CDKAL1: variants seen among roughly 807,000 people sequenced by gnomAD.
CDKAL1 encodes the protein threonylcarbamoyladenosine tRNA methylthiotransferase.
Under a neutral mutation model 68.2 loss-of-function variants are expected in CDKAL1, and 32 were observed. The ratio of observed to expected loss-of-function variants is 0.47; its 90% confidence interval spans 0.35 to 0.63. CDKAL1 has a LOEUF of 0.63. Among genes scored for constraint, CDKAL1 ranks in the 30% least tolerant of loss-of-function variants. The pLI is 0.00. For missense variants in CDKAL1, 606 were observed against 696.7 expected (o/e 0.87, Z 1.47); for synonymous variants, 234 against 244.3 (o/e 0.96, Z 0.39).
chr6:21,068,351 T>G (rs1771572584), intron 12 of CDKAL1, among the ~76,000 whole-genome samples: 2 of 152,212 alleles, frequency 1.3e-5, no homozygotes, highest in South Asian at 2.1e-4. Context: ...CCTTTTACCT[T>G]TAAATCTGCA....
intron 12 of CDKAL1, among the ~76,000 whole-genome samples, chr6:21,081,402 A>T (rs1772391146): frequency 6.6e-6 from 1 of 152,096 alleles, no homozygotes; most frequent in Non-Finnish European, 1.5e-5. Context: ...CAAGTTTCAG[A>T]AAAACTGCAA....
intron 10 of CDKAL1, among the ~76,000 whole-genome samples, chr6:20,994,080 C>T (rs1766980256): frequency 6.6e-6 from 1 of 152,234 alleles, no homozygotes; most frequent in Non-Finnish European, 1.5e-5. Flanking sequence ...CACCGAGCTG[C>T]TCATGACTGC....
intron 7 of CDKAL1, among the ~76,000 whole-genome samples, chr6:20,775,736 G>A (rs941054229): frequency 3.3e-5 from 5 of 152,066 alleles, no homozygotes; most frequent in African/African-American, 1.2e-4. Flanking sequence ...ATTGATAACT[G>A]CACATAAAAT....
intron 7 of CDKAL1, among the ~76,000 whole-genome samples, chr6:20,767,908 G>A (rs941188013): frequency 3.3e-5 from 5 of 152,154 alleles, no homozygotes; most frequent in African/African-American, 1.2e-4. Flanking sequence ...CTCACTTGGA[G>A]ACTTCAGTTA....
At chr6:20,804,679 A>G (rs974779017) in intron 8 of CDKAL1, among the ~76,000 whole-genome samples, 4 of 152,128 alleles carry the variant, frequency 2.6e-5, no homozygotes, top group Non-Finnish European at 2.9e-5. Context: ...GACAGTATCT[A>G]TGATGTTGTA....
Position 20,952,268 on chromosome 6 carries a change from A to G in CDKAL1, c.743-3151A>G, listed in dbSNP as rs1283871862. On this transcript the variant is annotated intron_variant, in intron 9 of 15. Transcript: ENST00000274695. The stretch of plus-strand genomic sequence containing the variant: ...CCACTGCGCCCGCCCCCTCTTTTTC[A>G]TTTTCATGTGTTTATTTTCCTGACA... Among the ~76,000 whole-genome samples the G allele has an allele frequency of 2.6e-5, 4 of 151,336 alleles. No homozygotes were observed. In the East Asian group the frequency reaches 5.8e-4, roughly 22 times the overall value.
At position 20,824,218 on chromosome 6, in the gene CDKAL1, C is replaced by T. The variant is rs73383340; in HGVS notation, c.639-21857C>T. On this transcript the variant is annotated intron_variant, in intron 8 of 15. Coordinates refer to ENST00000274695, the MANE Select transcript of CDKAL1 (RefSeq NM_017774.3). Reference sequence around the variant, plus strand: ...AAGCCTCTTGAACCTCTGGAGAGGACCATGTTCTTTTGAGCCACAGGTAAT... The same window carrying T: ...AAGCCTCTTGAACCTCTGGAGAGGATCATGTTCTTTTGAGCCACAGGTAAT... Among the ~76,000 whole-genome samples the T allele has an allele frequency of 7.7e-3, 1,169 of 152,152 alleles. 22 individuals are homozygous for T. Among genetic ancestry groups the T allele is most frequent in the African/African-American group, 0.026 (1,094 of 41,514 alleles).
chr6:20,557,521 T>G lies in CDKAL1; in HGVS notation c.286+8816T>G, dbSNP rs912330933. ...TGTCCTTCTTGTGGATATTTTCAGA[T>G]AATTTTCCAAGCTTTTACTATATAT... On this transcript the variant is annotated intron_variant, in intron 4 of 15. Coordinates refer to ENST00000274695, the MANE Select transcript of CDKAL1 (RefSeq NM_017774.3). 2.0e-5 allele frequency among the ~76,000 whole-genome samples: 3 copies of G among 152,218 alleles called. No individual in the cohort carries two copies. The East Asian group carries it at 5.8e-4, about 29-fold the overall frequency.
At position 20,781,161 on chromosome 6, in the gene CDKAL1, G is replaced by A. The variant is rs200258160; in HGVS notation, c.534G>A (p.Leu178=). 4 of 1,613,804 alleles carry A rather than the reference G, an allele frequency of 2.5e-6. No individual in the cohort carries two copies. In the East Asian group the frequency reaches 6.7e-5, roughly 27 times the overall value. The change falls in exon 8 of 16, where the codon CTG becomes CTA. Residue 178 remains leucine, a synonymous_variant. Coordinates refer to ENST00000274695, the MANE Select transcript of CDKAL1 (RefSeq NM_017774.3). ...GATTTGAAGGTCACTCTGTGAGACT[G>A]CTGGGTCAGAAAAAGGATAATGGAA... ...EETIKGHSVR[L]LGQKKDNGRR...
At chr6:20,753,372 T>C (rs1180363476) in intron 6 of CDKAL1, among the ~76,000 whole-genome samples, 1 of 152,198 alleles carries the variant, frequency 6.6e-6, no homozygotes, top group African/African-American at 2.4e-5. Flanking sequence ...ATGATGTATA[T>C]AAGTCAGTGG....
chr6:21,042,238 T>C (rs1182203581), intron 11 of CDKAL1, among the ~76,000 whole-genome samples: 2 of 152,120 alleles, frequency 1.3e-5, no homozygotes, highest in African/African-American at 4.8e-5. Context: ...TCTAATATTT[T>C]AACTGTACAC....
chr6:20,632,833 GGCCCATCT>G (rs1276508840), intron 4 of CDKAL1, among the ~76,000 whole-genome samples: 1 of 152,088 alleles, frequency 6.6e-6, no homozygotes, highest in Non-Finnish European at 1.5e-5. Flanking sequence ...ATGTACCACG[GGCCCATCT>G]GTGGGCACAT....
chr6:20,776,713 C>G (rs958628793), intron 7 of CDKAL1, among the ~76,000 whole-genome samples: 3 of 152,140 alleles, frequency 2.0e-5, no homozygotes, highest in Admixed American at 2.0e-4. Context: ...CACAAGCAGT[C>G]AAAAGCAAAT....
At chr6:20,726,222 C>T (rs1295250162) in intron 5 of CDKAL1, among the ~76,000 whole-genome samples, 3 of 152,064 alleles carry the variant, frequency 2.0e-5, no homozygotes, top group Admixed American at 6.6e-5. Flanking sequence ...CTATTGATTC[C>T]AGGTCTTAGA....
chr6:20,654,756 T>G (rs1173151561), intron 5 of CDKAL1, among the ~76,000 whole-genome samples: 2 of 152,204 alleles, frequency 1.3e-5, no homozygotes, highest in African/African-American at 4.8e-5. Context: ...CTCTCATATG[T>G]TGAGTGTCCA....
intron 10 of CDKAL1, among the ~76,000 whole-genome samples, chr6:20,959,816 A>C (rs1290046992): frequency 6.6e-6 from 1 of 152,050 alleles, no homozygotes; most frequent in Non-Finnish European, 1.5e-5. Context: ...GAAGCGGTTT[A>C]TGAATTTGAT....
At chr6:20,925,214 A>C (rs778240310) in intron 9 of CDKAL1, among the ~76,000 whole-genome samples, 2 of 152,262 alleles carry the variant, frequency 1.3e-5, no homozygotes, top group African/African-American at 4.8e-5. Flanking sequence ...GACGATCGTT[A>C]GCATTTTGTA....
chr6:20,943,337 AAAAAAAAGAAAAAG>A (rs1236826447), intron 9 of CDKAL1, among the ~76,000 whole-genome samples: 1 of 84,394 alleles, frequency 1.2e-5, no homozygotes, highest in East Asian at 9.0e-4. Context: ...TCAAAAAAAA[AAAAAAAAGAAAAAG>A]AAAAAAAGAA....
intron 4 of CDKAL1, among the ~76,000 whole-genome samples, chr6:20,582,371 A>C (rs141308169): frequency 2.6e-5 from 4 of 152,324 alleles, no homozygotes; most frequent in South Asian, 2.1e-4. Context: ...AGAGATGAAG[A>C]TGAATTTCTG....
Sources: gnomAD v4.1 joint callset for allele counts (sites outside exome capture counted in the v4.1 genomes callset) on GRCh38, gnomAD v4.1.1 for gene constraint, MANE v1.5 for transcripts, NCBI Gene and HGNC (gene_info 2026-07-23, HGNC 2026-07-21) for gene names.